The following PTPRC variants were observed in gnomAD, a reference collection of about 807,000 sequenced individuals.
The protein encoded by PTPRC is receptor-type tyrosine-protein phosphatase C.
PTPRC carries 44 observed loss-of-function variants against 155.9 expected under a neutral mutation model. The ratio of observed to expected loss-of-function variants is 0.28; its 90% CI spans 0.22 to 0.36. The LOEUF (loss-of-function observed/expected upper bound fraction) is 0.36. Among genes scored for constraint, PTPRC ranks in the 10% least tolerant of loss-of-function variants. PTPRC has a pLI of 1.00. For missense variants in PTPRC, 1,401 were observed against 1,564.6 expected (o/e 0.90, Z 1.76); for synonymous variants, 525 against 533.1 (o/e 0.98, Z 0.21).
intron 3 of PTPRC, chr1:198,694,507 A>G: frequency 2.0e-6 from 2 of 998,880 alleles, no homozygotes; most frequent in South Asian, 9.3e-5. Flanking sequence ...TTTTCCTTCT[A>G]GTCTGTTTGT....
intron 2 of PTPRC, among the ~76,000 whole-genome samples, chr1:198,644,072 G>A (rs534595452): frequency 6.6e-6 from 1 of 152,004 alleles, no homozygotes; most frequent in African/African-American, 2.4e-5. Flanking sequence ...GACCATGTGT[G>A]TATATGTCAC....
Position 198,757,290 on chromosome 1 carries a change from G to GTGTT in PTPRC, c.*1110_*1113dup, listed in dbSNP as rs986840342. The stretch of plus-strand genomic sequence containing the variant: ...ATTTTTTTCTTGTTTATAATACATT[G>GTGTT]TGTTATATGTTCAAATATGAAATGT... On this transcript the variant is annotated 3_prime_UTR_variant, in exon 33 of 33. Transcript: ENST00000442510. 2 of 151,378 alleles carry GTGTT rather than the reference G, an allele frequency of 1.3e-5. No homozygotes were observed. Among genetic ancestry groups the GTGTT allele is most frequent in the African/African-American group, 4.9e-5 (2 of 41,228 alleles). The allele number at this position is 151,378 out of a possible 1,614,324, so 9.4% of individuals were successfully genotyped here.
intron 12 of PTPRC, among the ~76,000 whole-genome samples, chr1:198,713,332 G>A (rs1571861905): frequency 3.9e-5 from 6 of 152,316 alleles, no homozygotes; most frequent in Admixed American, 1.3e-4. Context: ...CCTAGAGACA[G>A]AAAACCTCTG....
intron 8 of PTPRC, among the ~76,000 whole-genome samples, chr1:198,705,453 C>A (rs1375684276): frequency 7.1e-6 from 1 of 140,018 alleles, no homozygotes; most frequent in African/African-American, 2.7e-5. Flanking sequence ...TTTTTTCTCA[C>A]TCTGTTGCCC....
At chr1:198,696,563 C>T in intron 3 of PTPRC, 149 bp from the exon 4 acceptor site, 1 of 720,418 alleles carries the variant, frequency 1.4e-6, no homozygotes, top group Admixed American at 2.0e-5. Context: ...TATACATACA[C>T]TTATGTATGG....
Position 198,756,355 on chromosome 1 carries a change from A to T in PTPRC, c.*174A>T. On this transcript the variant is annotated 3_prime_UTR_variant, in exon 33 of 33. Transcript: ENST00000442510. ...AAATATTTAAGATAGTTTTGCCAGA[A>T]CAGTTTGTACAGACGTATGCTTATT... 2 of 829,920 alleles carry T rather than the reference A, an allele frequency of 2.4e-6. No homozygotes were observed. The highest frequency in any genetic ancestry group is 1.8e-6 in the Non-Finnish European group (1 of 540,790). 51.4% of individuals were successfully genotyped at this position (829,920 alleles called of 1,614,324 possible).
Position 198,752,689 on chromosome 1 carries a change from G to A in PTPRC, c.3426G>A (p.Gln1142=). Residue 1142 remains glutamine (Q), a synonymous_variant, in exon 31 of 33, where the codon CAG becomes CAA. Transcript: ENST00000442510. ...CCAAGGAATTAATCTCTATGATTCA[G>A]GTCGTCAAACAAAAACTTCCCCAGA... ...AEPKELISMI[Q]VVKQKLPQKN... The A allele has an allele frequency of 6.2e-7, 1 of 1,612,936 alleles. No homozygotes were observed. Among genetic ancestry groups the A allele is most frequent in the South Asian group, 1.1e-5 (1 of 91,062 alleles).
At chr1:198,681,259 TAAGAC>T (rs1571825789) in intron 2 of PTPRC, among the ~76,000 whole-genome samples, 1 of 152,192 alleles carries the variant, frequency 6.6e-6, no homozygotes, top group African/African-American at 2.4e-5. Context: ...GGTCAAAACA[TAAGAC>T]AATTGATAGG....
intron 23 of PTPRC, among the ~76,000 whole-genome samples, chr1:198,736,847 A>G (rs1414735766): frequency 6.6e-6 from 1 of 151,726 alleles, no homozygotes; most frequent in African/African-American, 2.4e-5. Context: ...CCTTGCAAGC[A>G]TTCATTCTTG....
Position 198,716,628 on chromosome 1 carries a change from G to A in PTPRC, c.1292-54G>A, listed in dbSNP as rs1333064453. On this transcript the variant is annotated intron_variant, in intron 12 of 32. Transcript: ENST00000442510. ...TGTAGAGACCAAATTAATTAGGTAC[G>A]TGGTAGTACTGACTTTTAACGACTT... The A allele has an allele frequency of 6.1e-6, 9 of 1,486,426 alleles. No homozygotes were observed. In the African/African-American group the frequency reaches 6.9e-5, roughly 11 times the overall value. The allele number at this position is 1,486,426 out of a possible 1,614,324, so 92.1% of individuals were successfully genotyped here. A position where few individuals can be genotyped will look rare whatever the true frequency, so the allele number is the denominator to read the frequency against.
At chr1:198,668,774 G>C (rs1664472529) in intron 2 of PTPRC, among the ~76,000 whole-genome samples, 1 of 152,162 alleles carries the variant, frequency 6.6e-6, no homozygotes, top group African/African-American at 2.4e-5. Context: ...TGAATGTTTA[G>C]CCTTTCAGAG....
At chr1:198,723,681 C>T (rs1373264626) in intron 15 of PTPRC, among the ~76,000 whole-genome samples, 1 of 152,168 alleles carries the variant, frequency 6.6e-6, no homozygotes, top group Non-Finnish European at 1.5e-5. Context: ...AGATCTGAAA[C>T]ATTTCACCTG....
At chr1:198,693,343 T>G (rs1666028791) in intron 3 of PTPRC, 1 of 224,996 alleles carries the variant, frequency 4.4e-6, no homozygotes, top group Admixed American at 6.5e-5. Context: ...TATAAATAAA[T>G]AAAAGTCATT....
intron 2 of PTPRC, among the ~76,000 whole-genome samples, chr1:198,667,967 G>A (rs552849086): frequency 2.6e-5 from 4 of 152,234 alleles, no homozygotes; most frequent in Non-Finnish European, 5.9e-5. Context: ...TTAGAAAATT[G>A]CATGTGTTAG....
intron 15 of PTPRC, among the ~76,000 whole-genome samples, chr1:198,723,468 T>C (rs1479970386): frequency 6.6e-6 from 1 of 152,204 alleles, no homozygotes; most frequent in Non-Finnish European, 1.5e-5. Context: ...TTCTTTCTGC[T>C]CAGATTTATG....
intron 2 of PTPRC, among the ~76,000 whole-genome samples, chr1:198,658,534 A>G (rs908478230): frequency 6.6e-6 from 1 of 152,176 alleles, no homozygotes; most frequent in African/African-American, 2.4e-5. Context: ...TCTCTCCTAT[A>G]TAAGAAAAAT....
intron 3 of PTPRC, chr1:198,694,081 C>A (rs1361312906): frequency 1.9e-6 from 3 of 1,549,088 alleles, no homozygotes; most frequent in Non-Finnish European, 8.7e-7. Flanking sequence ...AGTAGGGAAG[C>A]TGACAGTTCA....
chr1:198,708,072 G>A (rs1044087445), intron 9 of PTPRC, 61 bp from the exon 10 acceptor site: 7 of 1,481,296 alleles, frequency 4.7e-6, no homozygotes, highest in African/African-American at 1.4e-5. Flanking sequence ...AGGAATGAAT[G>A]AGGGCTTAGG....
intron 23 of PTPRC, among the ~76,000 whole-genome samples, chr1:198,736,885 A>G (rs2102498311): frequency 6.6e-6 from 1 of 151,802 alleles, no homozygotes; most frequent in East Asian, 1.9e-4. Context: ...AGTTGTTATA[A>G]CTGGAGCATA....
Sources: gnomAD v4.1 joint callset for allele counts (sites outside exome capture counted in the v4.1 genomes callset) on GRCh38, gnomAD v4.1.1 for gene constraint, MANE v1.5 for transcripts, NCBI Gene and HGNC (gene_info 2026-07-23, HGNC 2026-07-21) for gene names.